Variants in GTPBP3 observed in about 807,000 individuals in gnomAD.
GTPBP3 encodes GTP binding protein 3, mitochondrial, also known as 5-taurinomethyluridine-[tRNA] synthase subunit GTPB3, mitochondrial.
Under a neutral mutation model 42.0 loss-of-function variants are expected in GTPBP3, and 35 were observed. The ratio of observed to expected loss-of-function variants is 0.83; its 90% CI spans 0.64 to 1.10. The LOEUF is 1.10. Among genes scored for constraint, GTPBP3 ranks in the 50% least tolerant of loss-of-function variants. The probability of loss-of-function intolerance (pLI) is 0.00; values close to 1 mark genes in which losing one functional copy is unlikely to be tolerated. For synonymous variants in GTPBP3, 332 were observed against 314.9 expected (o/e 1.05, Z -0.58); for missense variants, 691 against 685.2 (o/e 1.01, Z -0.09).
chr19:17,338,695 G>A lies in GTPBP3; in HGVS notation c.545G>A (p.Gly182Glu). Residue 182 changes from glycine to glutamate, a missense_variant, in exon 4 of 9, where the codon GGA (glycine) becomes GAA (glutamate). Gly to Glu is a moderately conservative substitution (Grantham distance 98). Coordinates refer to ENST00000324894, the MANE Select transcript of GTPBP3 (RefSeq NM_032620.4). ...QRRQALRQLD[G>E]ELGHLCRGWA... ...CGGCAGGCCCTCAGGCAGCTGGACGGAGAGCTGGGCCACCTCTGCCGTGGC... is the reference window on the plus strand; with the variant it reads ...CGGCAGGCCCTCAGGCAGCTGGACGAAGAGCTGGGCCACCTCTGCCGTGGC... The A allele has an allele frequency of 6.2e-7, 1 of 1,613,550 alleles. No homozygotes were observed. The highest frequency in any genetic ancestry group is 8.5e-7 in the Non-Finnish European group (1 of 1,179,752).
At chr19:17,337,936 C>G in intron 1 of GTPBP3, 72 bp from the exon 2 acceptor site, 2 of 1,551,834 alleles carry the variant, frequency 1.3e-6, no homozygotes, top group Non-Finnish European at 1.7e-6. Context: ...TCGCGATCAT[C>G]GAGCCCTCGG....
At chr19:17,336,889 T>A (rs1296313461), upstream of GTPBP3, 1 of 152,232 alleles carries the variant, frequency 6.6e-6, no homozygotes, top group African/African-American at 2.4e-5. Context: ...TGCTGGGGGT[T>A]CCAGGAAGAC....
Position 17,338,013 on chromosome 19 carries a change from G to C in GTPBP3, c.59G>C (p.Cys20Ser). Residue 20 changes from cysteine to serine, a missense_variant, in exon 2 of 9, where the codon TGC (cysteine) becomes TCC (serine). Cys to Ser is a moderately radical substitution (Grantham distance 112). Transcript: ENST00000324894. ...AQAARGPRRL[C>S]TRRSSGAPAP... is the part of the protein sequence containing the mutation. ...CGCCTCCCCTCCGGTTCCAGATTGTGCACGCGCCGGAGCAGCGGCGCACCA... is the reference window on the plus strand; with the variant it reads ...CGCCTCCCCTCCGGTTCCAGATTGTCCACGCGCCGGAGCAGCGGCGCACCA... 6.3e-7 allele frequency: 1 copy of C among 1,597,606 alleles called. No individual in the cohort carries two copies. The highest frequency in any genetic ancestry group is 8.5e-7 in the Non-Finnish European group (1 of 1,179,448).
chr19:17,337,881 A>G (rs750234496), intron 1 of GTPBP3, 127 bp from the exon 2 acceptor site: 12 of 1,329,518 alleles, frequency 9.0e-6, no homozygotes, highest in African/African-American at 1.5e-5. Context: ...CAGAACATCC[A>G]ATTTGTGCAT....
chr19:17,336,239 A>C (rs1171345093), upstream of GTPBP3, among the ~76,000 whole-genome samples: 1 of 147,744 alleles, frequency 6.8e-6, no homozygotes, highest in African/African-American at 2.5e-5. Flanking sequence ...CCGTCTCAAA[A>C]AAAAAAAAAA....
At position 17,341,805 on chromosome 19, in the gene GTPBP3, G is replaced by T. The variant is rs2074436099; in HGVS notation, c.*102G>T. 7 of 1,030,046 alleles carry T rather than the reference G, an allele frequency of 6.8e-6. No homozygotes were observed. The highest frequency in any genetic ancestry group is 9.9e-6 in the Non-Finnish European group (7 of 707,830). 63.8% of individuals were successfully genotyped at this position (1,030,046 alleles called of 1,614,324 possible). ...TTGGGATTCTCATTCGCCTGGGAAA[G>T]AACTTGATTCTCAAATAGTGAAGCA... On this transcript the variant is annotated 3_prime_UTR_variant, in exon 9 of 9. Coordinates refer to ENST00000324894, the MANE Select transcript of GTPBP3 (RefSeq NM_032620.4).
chr19:17,337,233 C>T (rs1223814896), upstream of GTPBP3: 3 of 199,260 alleles, frequency 1.5e-5, no homozygotes, highest in East Asian at 3.5e-4. Context: ...GCGGAGTGAG[C>T]AGATGGAAAA....
chr19:17,339,662 T>C, intron 7 of GTPBP3, 63 bp downstream of exon 7: 1 of 1,465,168 alleles, frequency 6.8e-7, no homozygotes, highest in East Asian at 2.5e-5. Context: ...TTTCTCCCTG[T>C]TGCGTTTATT....
Position 17,338,978 on chromosome 19 carries a change from A to C in GTPBP3, c.616A>C (p.Ile206Leu). Residue 206 changes from isoleucine (I) to leucine (L), a missense_variant, in exon 5 of 9, where the codon ATC becomes CTC. Physicochemically the swap from Ile to Leu is conservative, Grantham distance 5 (BLOSUM62 2). Transcript: ENST00000324894. ...TKALAHVEAY[I>L]DFGEDDNLEE... is the part of the protein sequence containing the mutation. ...GGCTCTGGCCCACGTGGAGGCCTAT[A>C]TCGATTTCGGCGAGGATGACAACCT... is the stretch of plus-strand genomic sequence containing the variant. 6.2e-7 allele frequency: 1 copy of C among 1,611,298 alleles called. No homozygotes were observed. Among genetic ancestry groups the C allele is most frequent in the Admixed American group, 1.7e-5 (1 of 59,902 alleles).
rs760855666 is a variant in GTPBP3, at chr19:17,338,613, C to T, written c.463C>T (p.Leu155=). The T allele has an allele frequency of 5.6e-6, 9 of 1,613,992 alleles. No homozygotes were observed. In the African/African-American group the frequency reaches 1.1e-4, roughly 19 times the overall value. The change falls in exon 4 of 9, where the codon CTG becomes TTG. Residue 155 remains leucine (L), a synonymous_variant. Transcript: ENST00000324894. ...RRAFANGKLN[L]TEVEGLADLI... is the part of the protein sequence containing the mutation. ...GGCGTTCGCCAATGGGAAGCTGAACCTGACCGAAGTGGAGGGGCTGGCGGA... is the reference window on the plus strand; with the variant it reads ...GGCGTTCGCCAATGGGAAGCTGAACTTGACCGAAGTGGAGGGGCTGGCGGA...
intron 7 of GTPBP3, among the ~76,000 whole-genome samples, chr19:17,339,899 A>T (rs1476037088): frequency 7.2e-6 from 1 of 139,044 alleles, no homozygotes; most frequent in African/African-American, 2.9e-5. Flanking sequence ...GGCGGGAGCG[A>T]CCACGCCGAA....
chr19:17,336,770 C>G (rs2074372164), upstream of GTPBP3: 1 of 152,234 alleles, frequency 6.6e-6, no homozygotes, highest in Non-Finnish European at 1.5e-5. Flanking sequence ...CGAGGCTCCC[C>G]TTTCTGGCTT....
Position 17,341,099 on chromosome 19 carries a change from C to G in GTPBP3, c.1030C>G (p.Pro344Ala). 6.2e-7 allele frequency: 1 copy of G among 1,613,944 alleles called. No homozygotes were observed. The highest frequency in any genetic ancestry group is 8.5e-7 in the Non-Finnish European group (1 of 1,180,034). The change falls in exon 8 of 9, where the codon CCC becomes GCC. Residue 344 changes from proline to alanine, a missense_variant. Pro to Ala is a conservative substitution (Grantham distance 27). Transcript: ENST00000324894. The part of the protein sequence containing the change: ...AMLDASDLAS[P>A]SSCNFLATVV... Reference sequence around the variant, plus strand: ...GCTGGATGCTTCTGACCTGGCCTCTCCCTCCAGTTGCAACTTCCTGGCCAC... The same window carrying G: ...GCTGGATGCTTCTGACCTGGCCTCTGCCTCCAGTTGCAACTTCCTGGCCAC...
rs2074442902 is a variant in GTPBP3, at chr19:17,342,469, T to C, written c.*766T>C. 1.3e-5 allele frequency: 2 copies of C among 152,262 alleles called. No individual in the cohort carries two copies. The highest frequency in any genetic ancestry group is 2.9e-5 in the Non-Finnish European group (2 of 68,086). The allele number at this position is 152,262 out of a possible 1,614,324, so 9.4% of individuals were successfully genotyped here. A position where few individuals can be genotyped will look rare whatever the true frequency, so the allele number is the denominator to read the frequency against. On this transcript the variant is annotated 3_prime_UTR_variant, in exon 9 of 9. Transcript: ENST00000324894. ...TTTTAGTAGAGACAAGGTTTCACCATGTTGACCAGGCTGGTCTTGAACTCC... is the reference window on the plus strand; with the variant it reads ...TTTTAGTAGAGACAAGGTTTCACCACGTTGACCAGGCTGGTCTTGAACTCC...
Position 17,341,464 on chromosome 19 carries a change from C to CT in GTPBP3, c.1254-12dup. On this transcript the variant is annotated splice_polypyrimidine_tract_variant and intron_variant, in intron 8 of 8. Transcript: ENST00000324894. ...TAAAAGGTCGGGAGAGACCATGTCT[C>CT]TTGTCTCTTCCAGGTGTGGGGACCC... 1.2e-6 allele frequency: 2 copies of CT among 1,602,488 alleles called. No homozygotes were observed. The highest frequency in any genetic ancestry group is 2.2e-5 in the South Asian group (2 of 90,666).
In GTPBP3 at chr19:17,338,338, C is replaced by T. The variant is rs1465192715; in HGVS notation, c.302-27C>T. The T allele has an allele frequency of 6.2e-6, 10 of 1,612,932 alleles. No individual in the cohort carries two copies. In the East Asian group the frequency reaches 2.0e-4, roughly 32 times the overall value. The stretch of plus-strand genomic sequence containing the variant: ...CAAGGGTTTGCACTGGCTGTGCTGT[C>T]CTCCTGTCACCTGTCTGTCACATTA... On this transcript the variant is annotated intron_variant, in intron 2 of 8. Transcript: ENST00000324894.
At chr19:17,339,653 T>G in intron 7 of GTPBP3, 54 bp downstream of exon 7, 1 of 1,499,588 alleles carries the variant, frequency 6.7e-7, no homozygotes, top group Non-Finnish European at 8.9e-7. Flanking sequence ...TCTCTGCCTT[T>G]TCTCCCTGTT....
chr19:17,338,434 G>T lies in GTPBP3; in HGVS notation c.371G>T (p.Gly124Val). Residue 124 changes from glycine (G) to valine (V), a missense_variant, in exon 3 of 9, where the codon GGC becomes GTC. Transcript: ENST00000324894. ...CATGGAGGCCCGGCAGTGGTGAGCGGCGTCCTGCAGGCCTTGGGTGAGTTG... is the reference window on the plus strand; with the variant it reads ...CATGGAGGCCCGGCAGTGGTGAGCGTCGTCCTGCAGGCCTTGGGTGAGTTG... ...HVHGGPAVVS[G>V]VLQALGSVPG... is the part of the protein sequence containing the mutation. The T allele has an allele frequency of 6.2e-7, 1 of 1,614,096 alleles. No homozygotes were observed. The highest frequency in any genetic ancestry group is 1.1e-5 in the South Asian group (1 of 91,084).
At chr19:17,338,770 C>A in intron 4 of GTPBP3, 29 bp downstream of exon 4, 1 of 1,586,162 alleles carries the variant, frequency 6.3e-7, no homozygotes. Context: ...CATTCTCTCC[C>A]TCAGAGACCC....
Sources: gnomAD v4.1 joint callset for allele counts (sites outside exome capture counted in the v4.1 genomes callset) on GRCh38, gnomAD v4.1.1 for gene constraint, MANE v1.5 for transcripts, NCBI Gene and HGNC (gene_info 2026-07-23, HGNC 2026-07-21) for gene names.